Variants in ROCK2 observed in about 807,000 individuals in gnomAD.
The protein encoded by ROCK2 is Rho associated coiled-coil containing protein kinase 2.
Under a neutral mutation model 195.1 loss-of-function variants are expected in ROCK2, and 61 were observed. That is an observed-to-expected ratio of 0.31 (90% confidence interval 0.25 to 0.39). The LOEUF is 0.39. Among genes scored for constraint, ROCK2 ranks in the 10% least tolerant of loss-of-function variants. The pLI, the probability that ROCK2 is intolerant of heterozygous loss-of-function variation, is 1.00. For missense variants in ROCK2, 1,109 were observed against 1,637.4 expected (o/e 0.68, Z 5.57); for synonymous variants, 504 against 545.5 (o/e 0.92, Z 1.06).
chr2:11,291,089 A>G (rs1188729587), intron 1 of ROCK2, among the ~76,000 whole-genome samples: 1 of 152,234 alleles, frequency 6.6e-6, no homozygotes, highest in African/African-American at 2.4e-5. Context: ...TGTATAAGCC[A>G]AACACCCAGT....
chr2:11,208,452 T>C lies in ROCK2; in HGVS notation c.2204-5A>G. On this transcript the variant is annotated splice_polypyrimidine_tract_variant and splice_region_variant and intron_variant, in intron 18 of 32. Coordinates refer to ENST00000315872, the MANE Select transcript of ROCK2 (RefSeq NM_004850.5). ...CCAAGAGCTTCTTCTCCATTTCTAG[T>C]ATAATAAAAATGGACACAATCATAA... 6.9e-7 allele frequency: 1 copy of C among 1,450,386 alleles called. No homozygotes were observed. Among genetic ancestry groups the C allele is most frequent in the Non-Finnish European group, 9.2e-7 (1 of 1,083,890 alleles). 89.8% of individuals were successfully genotyped at this position (1,450,386 alleles called of 1,614,324 possible). A position where few individuals can be genotyped will look rare whatever the true frequency, so the allele number is the denominator to read the frequency against.
intron 3 of ROCK2, among the ~76,000 whole-genome samples, chr2:11,273,013 A>C (rs1666697035): frequency 6.6e-6 from 1 of 151,454 alleles, no homozygotes; most frequent in African/African-American, 2.4e-5. Flanking sequence ...CATACTAAAC[A>C]AATTGAGAAA....
intron 1 of ROCK2, among the ~76,000 whole-genome samples, chr2:11,306,434 A>T (rs1667861439): frequency 6.6e-6 from 1 of 152,126 alleles, no homozygotes; most frequent in African/African-American, 2.4e-5. Context: ...ACCACTTATC[A>T]CTATCCTACA....
At chr2:11,241,841 A>G (rs1255056114) in intron 4 of ROCK2, among the ~76,000 whole-genome samples, 1 of 152,178 alleles carries the variant, frequency 6.6e-6, no homozygotes, top group Non-Finnish European at 1.5e-5. Flanking sequence ...ACGGTATAAC[A>G]CCGTCATCCT....
At chr2:11,307,818 CT>C (rs1431749081) in intron 1 of ROCK2, among the ~76,000 whole-genome samples, 15 of 152,238 alleles carry the variant, frequency 9.9e-5, no homozygotes, top group Non-Finnish European at 2.2e-4. Context: ...CATACACAGA[CT>C]TTTTTCCTTG....
At chr2:11,222,237 G>T in intron 7 of ROCK2, 63 bp from the exon 8 acceptor site, 1 of 916,972 alleles carries the variant, frequency 1.1e-6, no homozygotes, top group Non-Finnish European at 1.7e-6. Context: ...TTAACTCTAT[G>T]TCAACAGTTT....
intron 1 of ROCK2, among the ~76,000 whole-genome samples, chr2:11,302,932 T>C (rs997446633): frequency 2.0e-5 from 3 of 152,294 alleles, no homozygotes; most frequent in East Asian, 3.9e-4. Flanking sequence ...ACTGGAAAGT[T>C]TGGACCACCC....
At chr2:11,232,701 A>T (rs1240058123) in intron 5 of ROCK2, among the ~76,000 whole-genome samples, 2 of 152,202 alleles carry the variant, frequency 1.3e-5, no homozygotes, top group Non-Finnish European at 2.9e-5. Flanking sequence ...CTACATCAGA[A>T]TGAAGGAGTT....
chr2:11,196,515 A>C (rs1663643364), intron 27 of ROCK2, among the ~76,000 whole-genome samples: 2 of 152,214 alleles, frequency 1.3e-5, no homozygotes, highest in Non-Finnish European at 2.9e-5. Context: ...CCATGAGAAA[A>C]TACCTTAAAA....
intron 1 of ROCK2, among the ~76,000 whole-genome samples, chr2:11,315,769 C>T (rs1437848542): frequency 6.6e-6 from 1 of 152,044 alleles, no homozygotes; most frequent in Non-Finnish European, 1.5e-5. Flanking sequence ...TTTTGAACAA[C>T]CTCAGCCAGA....
At chr2:11,324,098 A>G (rs1668476431) in intron 1 of ROCK2, among the ~76,000 whole-genome samples, 1 of 152,096 alleles carries the variant, frequency 6.6e-6, no homozygotes, top group South Asian at 2.1e-4. Context: ...CTCTTACCAT[A>G]CAGTCCAGCA....
chr2:11,224,087 T>C (rs987174174), intron 7 of ROCK2, among the ~76,000 whole-genome samples: 4 of 152,176 alleles, frequency 2.6e-5, no homozygotes, highest in Non-Finnish European at 4.4e-5. Flanking sequence ...GTTCTATTTT[T>C]TCCTTTTTAG....
At chr2:11,221,965 C>A in intron 8 of ROCK2, 118 bp downstream of exon 8, 1 of 599,522 alleles carries the variant, frequency 1.7e-6, no homozygotes, top group Non-Finnish European at 3.0e-6. Flanking sequence ...TGAAATTTCT[C>A]AATTTAAAAA....
chr2:11,286,332 C>G (rs753421714), intron 3 of ROCK2, among the ~76,000 whole-genome samples: 1 of 150,660 alleles, frequency 6.6e-6, no homozygotes, highest in Non-Finnish European at 1.5e-5. Context: ...CTATATTGGC[C>G]TTATTTTCTA....
intron 1 of ROCK2, among the ~76,000 whole-genome samples, chr2:11,306,001 T>G (rs1283077839): frequency 1.3e-5 from 2 of 152,146 alleles, no homozygotes; most frequent in East Asian, 3.8e-4. Context: ...ATAAATGGCT[T>G]GTAATCATCA....
chr2:11,240,031 C>A (rs1665367605), intron 4 of ROCK2, among the ~76,000 whole-genome samples: 2 of 152,200 alleles, frequency 1.3e-5, no homozygotes, highest in Non-Finnish European at 2.9e-5. Context: ...GCATTTCTCT[C>A]CTGGCACCAG....
At position 11,224,343 on chromosome 2, in the gene ROCK2, A is replaced by G; in HGVS notation, c.986T>C (p.Ile329Thr). 6.2e-7 allele frequency: 1 copy of G among 1,613,230 alleles called. No homozygotes were observed. Among genetic ancestry groups the G allele is most frequent in the Non-Finnish European group, 8.5e-7 (1 of 1,179,492 alleles). ...TTACCTATCTGTTAAGAAAGCACAG[A>G]TGAGATTCTTTGCATGTTTGGAAAT... ...AEISKHAKNL[I>T]CAFLTDREVR... The change falls in exon 7 of 33, where the codon ATC (isoleucine) becomes ACC (threonine). Residue 329 changes from isoleucine (I) to threonine (T), a missense_variant. Transcript: ENST00000315872.
At chr2:11,195,256 T>A (rs1276007153) in intron 27 of ROCK2, 1 of 274,522 alleles carries the variant, frequency 3.6e-6, no homozygotes, top group East Asian at 6.0e-5. Flanking sequence ...TCTATACTTT[T>A]ATAAAGTCAA....
intron 1 of ROCK2, among the ~76,000 whole-genome samples, chr2:11,303,324 T>C (rs1667762760): frequency 6.6e-6 from 1 of 152,194 alleles, no homozygotes; most frequent in Non-Finnish European, 1.5e-5. Flanking sequence ...AAGTGCAGAA[T>C]TCTTCAAATC....
Sources: gnomAD v4.1 joint callset for allele counts (sites outside exome capture counted in the v4.1 genomes callset) on GRCh38, gnomAD v4.1.1 for gene constraint, MANE v1.5 for transcripts, NCBI Gene and HGNC (gene_info 2026-07-23, HGNC 2026-07-21) for gene names.